ZC4H2: variants seen among roughly 807,000 people sequenced by gnomAD.
ZC4H2 encodes zinc finger C4H2 domain-containing protein.
For synonymous variants in ZC4H2, 84 were observed against 66.3 expected (o/e 1.27, Z -1.30); for missense variants, 137 against 173.9 (o/e 0.79, Z 1.19).
intron 1 of ZC4H2, among the ~76,000 whole-genome samples, chrX:64,983,555 C>A (rs1175945412): frequency 9.0e-6 from 1 of 111,489 alleles, no homozygotes; most frequent in Non-Finnish European, 1.9e-5. Flanking sequence ...ATTTATACAT[C>A]TGACATTATT....
intron 1 of ZC4H2, among the ~76,000 whole-genome samples, chrX:65,030,269 C>T (rs767080491): frequency 9.0e-6 from 1 of 110,867 alleles, no homozygotes; most frequent in Non-Finnish European, 1.9e-5. Context: ...AGCCACATGC[C>T]ACCACACCCA....
chrX:64,948,230 T>C (rs898703727), intron 1 of ZC4H2, among the ~76,000 whole-genome samples: 1 of 111,683 alleles, frequency 9.0e-6, no homozygotes, highest in Non-Finnish European at 1.9e-5. Flanking sequence ...TAAGTCACTA[T>C]AGAAACCGGA....
chrX:64,919,104 C>G lies in ZC4H2; in HGVS notation c.499G>C (p.Val167Leu), dbSNP rs202222942. ...AAAAAAQQLQ[V>L]ARKQDTRQTA... is the part of the protein sequence containing the mutation. ...TGCCGAGTATCCTGCTTCCTAGCCA[C>G]TTGGAGCTGTTGGGCGGCAGCGGCT... The change falls in exon 4 of 5, where the codon GTG (valine) becomes CTG (leucine). Residue 167 changes from valine (V) to leucine (L), a missense_variant. Val to Leu is a conservative substitution (Grantham distance 32, BLOSUM62 1). Transcript: ENST00000374839. 1.4e-4 allele frequency: 165 copies of G among 1,201,249 alleles called. 1 individual carries two copies. Among genetic ancestry groups the G allele is most frequent in the Middle Eastern group, 2.3e-4 (1 of 4,298 alleles).
At chrX:64,960,679 T>G (rs1931355202) in intron 1 of ZC4H2, among the ~76,000 whole-genome samples, 1 of 112,064 alleles carries the variant, frequency 8.9e-6, no homozygotes, top group South Asian at 3.7e-4. Context: ...AAGATGAAAT[T>G]CACTATTTCT....
chrX:64,925,321 T>C (rs1929381939), intron 1 of ZC4H2, among the ~76,000 whole-genome samples: 1 of 112,347 alleles, frequency 8.9e-6, no homozygotes, highest in Non-Finnish European at 1.9e-5. Flanking sequence ...CAATGTTCAC[T>C]ATTTGGGTGA....
intron 1 of ZC4H2, among the ~76,000 whole-genome samples, chrX:64,998,881 T>C (rs746465337): frequency 2.3e-4 from 25 of 110,152 alleles, no homozygotes; most frequent in African/African-American, 7.6e-4. Flanking sequence ...ATAATCATTT[T>C]TTTAAATTGA....
chrX:65,005,270 C>T (rs1327539848), intron 1 of ZC4H2, among the ~76,000 whole-genome samples: 1 of 111,183 alleles, frequency 9.0e-6, no homozygotes, highest in African/African-American at 3.3e-5. Context: ...CCCTCATACC[C>T]AAGACAATTA....
intron 1 of ZC4H2, among the ~76,000 whole-genome samples, chrX:65,015,541 A>G (rs1264767680): frequency 8.9e-6 from 1 of 111,972 alleles, no homozygotes; most frequent in Non-Finnish European, 1.9e-5. Context: ...TACTCCTCAA[A>G]GATCTTGGAA....
Position 64,917,365 on chromosome X carries a change from A to C in ZC4H2, c.*418T>G, listed in dbSNP as rs755455986. Reference sequence around the variant, plus strand: ...AAGACTATTGTCCCTTGAGAACCTAAGGCAAAAGTACAAGGAGGGGAAATA... The same window carrying C: ...AAGACTATTGTCCCTTGAGAACCTACGGCAAAAGTACAAGGAGGGGAAATA... On this transcript the variant is annotated 3_prime_UTR_variant, in exon 5 of 5. Transcript: ENST00000374839. The C allele has an allele frequency of 8.2e-6, 1 of 121,992 alleles. No homozygotes were observed. Among genetic ancestry groups the C allele is most frequent in the African/African-American group, 3.2e-5 (1 of 30,875 alleles). 10.1% of individuals were successfully genotyped at this position (121,992 alleles called of 1,213,427 possible). A position where few individuals can be genotyped will look rare whatever the true frequency, so the allele number is the denominator to read the frequency against.
intron 1 of ZC4H2, among the ~76,000 whole-genome samples, chrX:64,999,039 GTTTTTTTTT>G (rs58094683): frequency 5.1e-4 from 6 of 11,851 alleles, no homozygotes; most frequent in Admixed American, 1.5e-3. Flanking sequence ...TGGATTATGT[GTTTTTTTTT>G]TTTTTTTTTT....
intron 1 of ZC4H2, among the ~76,000 whole-genome samples, chrX:64,924,092 G>A (rs1015353499): frequency 3.9e-4 from 44 of 111,617 alleles, no homozygotes; most frequent in Non-Finnish European, 7.7e-4. Context: ...CCATTTTACC[G>A]ATGGGAAAAC....
At chrX:64,934,999 C>T (rs759278572) in intron 1 of ZC4H2, among the ~76,000 whole-genome samples, 38 of 110,404 alleles carry the variant, frequency 3.4e-4, no homozygotes, top group Admixed American at 6.8e-4. Context: ...CCCTGGAAAG[C>T]GGCTGAAGCC....
At chrX:64,918,685 T>C in intron 4 of ZC4H2, 1 of 150,333 alleles carries the variant, frequency 6.7e-6, no homozygotes, top group Non-Finnish European at 1.3e-5. Context: ...CTTGACTATA[T>C]AGATATTTGT....
At chrX:64,939,578 G>A (rs1930172116) in intron 1 of ZC4H2, among the ~76,000 whole-genome samples, 1 of 111,758 alleles carries the variant, frequency 8.9e-6, no homozygotes, top group South Asian at 3.7e-4. Context: ...CATGCTACTG[G>A]TACCAAAACA....
At chrX:65,008,517 G>A (rs747263122) in intron 1 of ZC4H2, among the ~76,000 whole-genome samples, 1 of 112,396 alleles carries the variant, frequency 8.9e-6, no homozygotes, top group East Asian at 2.8e-4. Flanking sequence ...GCCCTCCCAT[G>A]TTTACTGGAG....
intron 1 of ZC4H2, among the ~76,000 whole-genome samples, chrX:65,031,507 T>C (rs1429791928): frequency 9.1e-6 from 1 of 109,830 alleles, no homozygotes; most frequent in African/African-American, 3.3e-5. Context: ...TTTGTAATTG[T>C]AAAGGTAAAT....
chrX:64,951,395 G>A (rs1269185599), intron 1 of ZC4H2, among the ~76,000 whole-genome samples: 2 of 111,630 alleles, frequency 1.8e-5, no homozygotes, highest in Admixed American at 9.5e-5. Context: ...CACAACGGTT[G>A]AACTAGTTTA....
At chrX:64,941,423 T>C (rs983004328) in intron 1 of ZC4H2, among the ~76,000 whole-genome samples, 5 of 112,097 alleles carry the variant, frequency 4.5e-5, no homozygotes, top group Admixed American at 9.5e-5. Context: ...GAACTTCCAA[T>C]ACTATGTTGA....
upstream of ZC4H2, among the ~76,000 whole-genome samples, chrX:64,980,134 C>A (rs1167123398): frequency 1.8e-5 from 2 of 112,114 alleles, no homozygotes; most frequent in Admixed American, 9.4e-5. Context: ...TCTTAATCAG[C>A]ATTTCTAAGA....
Sources: gnomAD v4.1 joint callset for allele counts (sites outside exome capture counted in the v4.1 genomes callset) on GRCh38, gnomAD v4.1.1 for gene constraint, MANE v1.5 for transcripts, NCBI Gene and HGNC (gene_info 2026-07-23, HGNC 2026-07-21) for gene names.